The following PIEZO2 variants were observed in gnomAD, a reference collection of about 807,000 sequenced individuals.
PIEZO2 encodes the protein piezo type mechanosensitive ion channel component 2.
A neutral mutation model predicts 337.3 loss-of-function variants in PIEZO2; 172 were observed. The ratio of observed to expected loss-of-function variants is 0.51; its 90% CI spans 0.45 to 0.58. PIEZO2 has a LOEUF of 0.58. Ranked by LOEUF, PIEZO2 falls within the 20% of genes least tolerant of loss-of-function variation. The probability of loss-of-function intolerance (pLI) is 0.00; values close to 1 mark genes in which losing one functional copy is unlikely to be tolerated. For synonymous variants in PIEZO2, 1,251 were observed against 1,228.5 expected, an observed-to-expected ratio of 1.02 and a Z score of -0.38; for missense variants, 3,028 against 3,391.3, an observed-to-expected ratio of 0.89 and a Z score of 2.66.
chr18:11,140,614 T>C (rs963150468), intron 1 of PIEZO2, among the ~76,000 whole-genome samples: 7 of 152,122 alleles, frequency 4.6e-5, no homozygotes, highest in Non-Finnish European at 1.0e-4. Flanking sequence ...CAAAGATGGG[T>C]GTTAGTGTAG....
At chr18:10,831,058 C>G (rs746427268) in intron 7 of PIEZO2, among the ~76,000 whole-genome samples, 6 of 152,246 alleles carry the variant, frequency 3.9e-5, no homozygotes, top group Non-Finnish European at 8.8e-5. Context: ...AAAAGGGAAC[C>G]CTTGTACACT....
chr18:10,998,861 CAAAAAAAA>C (rs10544415), intron 2 of PIEZO2, among the ~76,000 whole-genome samples: 18 of 118,820 alleles, frequency 1.5e-4, no homozygotes, highest in African/African-American at 3.6e-4. Flanking sequence ...TCAAATACAG[CAAAAAAAA>C]AAAAAAAAAA....
intron 52 of PIEZO2, among the ~76,000 whole-genome samples, chr18:10,678,099 G>A (rs2034095195): frequency 6.6e-6 from 1 of 152,210 alleles, no homozygotes; most frequent in Admixed American, 6.5e-5. Flanking sequence ...AAACAGAGTT[G>A]AAGGTGAGAA....
At position 10,859,668 on chromosome 18, in the gene PIEZO2, G is replaced by A. The variant is rs903710678; in HGVS notation, c.493-2457C>T. Among the ~76,000 whole-genome samples, 7 of 152,260 alleles carry A rather than the reference G, an allele frequency of 4.6e-5. No individual in the cohort carries two copies. The highest frequency in any genetic ancestry group is 7.3e-5 in the Non-Finnish European group (5 of 68,054). On this transcript the variant is annotated intron_variant, in intron 5 of 55. Transcript: ENST00000674853. The surrounding 1 kb of genome is among the most constrained non-coding windows in gnomAD (Gnocchi z 4.9). ...TCTCTTAAGGTGAAACACTCCAGCAGAGTGGGCTGGACTCACCATTCCATT... is the reference window on the plus strand; with the variant it reads ...TCTCTTAAGGTGAAACACTCCAGCAAAGTGGGCTGGACTCACCATTCCATT...
At chr18:10,782,519 A>G (rs1227038968) in intron 17 of PIEZO2, among the ~76,000 whole-genome samples, 1 of 133,316 alleles carries the variant, frequency 7.5e-6, no homozygotes, top group African/African-American at 2.8e-5. Context: ...ATATATTATT[A>G]TATTATATAA....
intron 50 of PIEZO2, among the ~76,000 whole-genome samples, 162 bp from the exon 51 acceptor site, chr18:10,681,915 T>C: frequency 6.6e-6 from 1 of 151,198 alleles, no homozygotes; most frequent in Non-Finnish European, 1.5e-5. Context: ...ATTATTCCCG[T>C]GCTCAAGACC....
chr18:11,018,826 G>A lies in PIEZO2; in HGVS notation c.161-39166C>T, dbSNP rs139370519. ...CACTCATACCCACATATCTTTTTGA[G>A]GTATACAATTCTACCCATAACAGAT... On this transcript the variant is annotated intron_variant, in intron 2 of 55. Transcript: ENST00000674853. 2.8e-3 allele frequency among the ~76,000 whole-genome samples: 425 copies of A among 152,148 alleles called. 2 individuals carry two copies. The highest frequency in any genetic ancestry group is 9.9e-3 in the African/African-American group (411 of 41,494).
At chr18:10,684,388 A>G (rs2034445135) in intron 49 of PIEZO2, among the ~76,000 whole-genome samples, 1 of 149,482 alleles carries the variant, frequency 6.7e-6, no homozygotes, top group African/African-American at 2.5e-5. Flanking sequence ...GGTGGTCTCA[A>G]TCTCCTGGCC....
rs2037263310 is a variant in PIEZO2 at position 10,742,507 on chromosome 18, T to TC, written c.4622_4623insG (p.Glu1542ArgfsTer3). 6.5e-7 allele frequency: 1 copy of TC among 1,537,096 alleles called. No homozygotes were observed. Among genetic ancestry groups the TC allele is most frequent in the Admixed American group, 2.0e-5 (1 of 50,982 alleles). On this transcript the variant is annotated frameshift_variant, in exon 32 of 56. Coordinates refer to ENST00000674853, the MANE Select transcript of PIEZO2 (RefSeq NM_001378183.1). LOFTEE classifies it high-confidence loss of function. The stretch of plus-strand genomic sequence containing the variant: ...GTCTTGACATACTTTCATCATCCTC[T>TC]TCAGAGAGTTTTTGCATGTCCTGGC...
At position 10,720,220 on chromosome 18, in the gene PIEZO2, A is replaced by ATGTGTGTG. The variant is rs2036201528; in HGVS notation, c.5030-1962_5030-1961insCACACACA. Among the ~76,000 whole-genome samples the ATGTGTGTG allele has an allele frequency of 6.4e-5, 9 of 139,888 alleles. No homozygotes were observed. The East Asian group carries it at 1.7e-3, about 26-fold the overall frequency. The allele number at this position is 139,888 out of a possible 152,430, so 91.8% of individuals were successfully genotyped here. A position where few individuals can be genotyped will look rare whatever the true frequency, so the allele number is the denominator to read the frequency against. On this transcript the variant is annotated intron_variant, in intron 36 of 55. Coordinates refer to ENST00000674853, the MANE Select transcript of PIEZO2 (RefSeq NM_001378183.1). ...AGGATATATATATGTATATATGAAT[A>ATGTGTGTG]TATGTGTGTGTGTGTATATATATAT...
At chr18:10,873,897 C>T (rs984644021) in intron 4 of PIEZO2, among the ~76,000 whole-genome samples, 1 of 152,044 alleles carries the variant, frequency 6.6e-6, no homozygotes, top group Non-Finnish European at 1.5e-5. Flanking sequence ...CATTTCAGAA[C>T]ATTAGTCTGG....
chr18:10,793,910 A>G lies in PIEZO2; in HGVS notation c.1758+862T>C, dbSNP rs555473885. On this transcript the variant is annotated intron_variant, in intron 13 of 55. Transcript: ENST00000674853. Reference sequence around the variant, plus strand: ...ACCCAAAAATCTGTTACGAAGACCAAACTTTGCCCTAGTCTACTCTACCCC... The same window carrying G: ...ACCCAAAAATCTGTTACGAAGACCAGACTTTGCCCTAGTCTACTCTACCCC... 8.7e-4 allele frequency among the ~76,000 whole-genome samples: 133 copies of G among 152,240 alleles called. 2 individuals carry two copies. The South Asian group carries it at 0.027, about 31-fold the overall frequency.
intron 9 of PIEZO2, among the ~76,000 whole-genome samples, chr18:10,803,067 T>A (rs2039881417): frequency 6.6e-6 from 1 of 152,192 alleles, no homozygotes; most frequent in South Asian, 2.1e-4. Flanking sequence ...GTCTTGAATG[T>A]CAGTTGTAGT....
In PIEZO2 at chr18:10,855,382, C is replaced by A; in HGVS notation, c.888G>T (p.Glu296Asp). ...LYLYQFQFFQ[E>D]AVPPNDYYAR... ...CATAGTAGTCATTGGGTGGAACTGC[C>A]TCTTGAAAGAATTGGAACTGGTATA... is the stretch of plus-strand genomic sequence containing the variant. Residue 296 changes from glutamate (E) to aspartate (D), a missense_variant, in exon 7 of 56, where the codon GAG (glutamate) becomes GAT (aspartate). This residue lies in a region of PIEZO2 where 542 missense variants were observed against 605.6 expected (regional missense o/e 0.89). Coordinates refer to ENST00000674853, the MANE Select transcript of PIEZO2 (RefSeq NM_001378183.1). This position sits in a 1 kb window ranked among gnomAD's most constrained non-coding sequence, Gnocchi z 4.9. The A allele has an allele frequency of 6.5e-7, 1 of 1,536,842 alleles. No individual in the cohort carries two copies. The highest frequency in any genetic ancestry group is 8.7e-7 in the Non-Finnish European group (1 of 1,146,606).
chr18:11,108,832 G>A (rs1253606049), intron 1 of PIEZO2, among the ~76,000 whole-genome samples: 12 of 152,086 alleles, frequency 7.9e-5, no homozygotes, highest in African/African-American at 2.9e-4. Context: ...ACCAGAGCTT[G>A]TTCCACTCTT....
At chr18:11,145,217 C>T (rs116895659) in intron 1 of PIEZO2, among the ~76,000 whole-genome samples, 2,778 of 152,262 alleles carry the variant, frequency 0.018, 39 homozygotes, top group Non-Finnish European at 0.027. Context: ...ATATCCATCA[C>T]AGGATGTTCA....
At position 10,813,942 on chromosome 18, in the gene PIEZO2, C is replaced by T. The variant is rs1016643761; in HGVS notation, c.918-6668G>A. On this transcript the variant is annotated intron_variant, in intron 7 of 55. Transcript: ENST00000674853. This position sits in a 1 kb window ranked among gnomAD's most constrained non-coding sequence, Gnocchi z 4.2. ...ATTTTATGCTTTTCAGAGTAGTCAT[C>T]CTAATAGGTGTGAGATGGGACACCA... Among the ~76,000 whole-genome samples the T allele has an allele frequency of 1.1e-4, 17 of 151,894 alleles. No homozygotes were observed. Among genetic ancestry groups the T allele is most frequent in the Non-Finnish European group, 2.1e-4 (14 of 67,990 alleles).
intron 3 of PIEZO2, among the ~76,000 whole-genome samples, chr18:10,975,612 C>T (rs264230): frequency 0.39 from 59,603 of 151,964 alleles, 12,741 homozygotes; most frequent in Non-Finnish European, 0.49. Context: ...TTAATATTCA[C>T]AGGACTCTGG....
chr18:10,774,025 A>AT lies in PIEZO2; in HGVS notation c.2547dup (p.Leu850IlefsTer7). 5 of 703,016 alleles carry AT rather than the reference A, an allele frequency of 7.1e-6. No homozygotes were observed. The highest frequency in any genetic ancestry group is 1.0e-5 in the Non-Finnish European group (4 of 384,992). 43.5% of individuals were successfully genotyped at this position (703,016 alleles called of 1,614,324 possible). ...ACTTACTCATTTTGGTGGATTGGTAATTTTTTCTTGATGCTGCTCATAGTA... is the reference window on the plus strand; with the variant it reads ...ACTTACTCATTTTGGTGGATTGGTAATTTTTTTCTTGATGCTGCTCATAGTA... On this transcript the variant is annotated frameshift_variant, in exon 19 of 56. Transcript: ENST00000674853. LOFTEE classifies it high-confidence loss of function.
Sources: allele counts gnomAD v4.1 joint callset (sites outside exome capture counted in the v4.1 genomes callset), GRCh38; gene constraint gnomAD v4.1.1; regional missense constraint gnomAD v4.1.1; non-coding constraint Gnocchi (gnomAD v3.1); transcripts MANE v1.5; gene names NCBI Gene and HGNC (gene_info 2026-07-23, HGNC 2026-07-21).